The following RSU1 variants were observed in gnomAD, a reference collection of about 807,000 sequenced individuals.
RSU1 encodes Ras suppressor protein 1.
A neutral mutation model predicts 31.1 loss-of-function variants in RSU1; 26 were observed. The ratio of observed to expected loss-of-function variants is 0.84; its 90% CI spans 0.61 to 1.16. RSU1 has a LOEUF of 1.16. Among genes scored for constraint, RSU1 ranks in the 50% most tolerant of loss-of-function variants. The probability of loss-of-function intolerance (pLI) is 0.00; values close to 1 mark genes in which losing one functional copy is unlikely to be tolerated. For synonymous variants in RSU1, 164 were observed against 136.3 expected (o/e 1.20, Z -1.41); for missense variants, 320 against 339.1 (o/e 0.94, Z 0.44).
intron 8 of RSU1, among the ~76,000 whole-genome samples, chr10:16,629,323 C>A (rs1463075351): frequency 9.9e-5 from 15 of 152,128 alleles, no homozygotes; most frequent in Non-Finnish European, 2.9e-5. Context: ...CCCTCCTTAA[C>A]CTTTTGAACA....
chr10:16,612,834 T>C (rs557674930), intron 8 of RSU1, among the ~76,000 whole-genome samples: 1 of 152,312 alleles, frequency 6.6e-6, no homozygotes, highest in Admixed American at 6.5e-5. Context: ...CTTAAGGAAA[T>C]GCATCAGACA....
chr10:16,649,268 G>A (rs956029973), intron 8 of RSU1, among the ~76,000 whole-genome samples: 2 of 152,134 alleles, frequency 1.3e-5, no homozygotes, highest in African/African-American at 4.8e-5. Flanking sequence ...GTATGAAAAC[G>A]AGGAATTAAA....
intron 8 of RSU1, among the ~76,000 whole-genome samples, chr10:16,652,601 C>T (rs1834706853): frequency 6.6e-6 from 1 of 152,048 alleles, no homozygotes; most frequent in Non-Finnish European, 1.5e-5. Context: ...ATGTAAATTA[C>T]ACTTCAATTA....
chr10:16,700,014 T>C (rs763240092), intron 7 of RSU1, among the ~76,000 whole-genome samples: 1 of 152,250 alleles, frequency 6.6e-6, no homozygotes, highest in Non-Finnish European at 1.5e-5. Flanking sequence ...TTGCTGGTTA[T>C]AAATGTGACT....
chr10:16,800,226 G>A (rs1281240832), intron 2 of RSU1, among the ~76,000 whole-genome samples: 15 of 152,220 alleles, frequency 9.9e-5, no homozygotes, highest in Non-Finnish European at 2.2e-4. Flanking sequence ...AAGAAAGGCT[G>A]AGGAGAGAAA....
intron 8 of RSU1, among the ~76,000 whole-genome samples, chr10:16,653,626 C>T (rs962703610): frequency 4.6e-5 from 7 of 151,864 alleles, no homozygotes; most frequent in Non-Finnish European, 7.4e-5. Flanking sequence ...AAGCTAAATA[C>T]TTAGGGCCAA....
chr10:16,728,077 C>A (rs1040459881), intron 7 of RSU1, among the ~76,000 whole-genome samples: 1 of 152,202 alleles, frequency 6.6e-6, no homozygotes, highest in African/African-American at 2.4e-5. Context: ...CAGATTCCAA[C>A]CCTCTGAATG....
intron 2 of RSU1, among the ~76,000 whole-genome samples, chr10:16,805,951 C>A (rs1049698001): frequency 3.9e-5 from 6 of 152,130 alleles, no homozygotes; most frequent in African/African-American, 1.4e-4. Flanking sequence ...CCAGTATAAG[C>A]TCAGGAGGCT....
intron 2 of RSU1, among the ~76,000 whole-genome samples, chr10:16,808,922 A>G (rs1037993942): frequency 2.0e-5 from 3 of 152,200 alleles, no homozygotes; most frequent in African/African-American, 7.2e-5. Flanking sequence ...ATGTGAGCAC[A>G]GCAAGAAGAC....
At chr10:16,752,845 A>C (rs528403777) in intron 6 of RSU1, 73 bp downstream of exon 6, 3 of 1,364,152 alleles carry the variant, frequency 2.2e-6, no homozygotes, top group Middle Eastern at 1.8e-4. Flanking sequence ...CTCCTGCTCA[A>C]ATTGACTTGA....
At chr10:16,773,553 G>A (rs1837466185) in intron 3 of RSU1, among the ~76,000 whole-genome samples, 1 of 152,180 alleles carries the variant, frequency 6.6e-6, no homozygotes. Flanking sequence ...GAGGCAGCAG[G>A]GGACACGGCG....
chr10:16,808,840 A>G (rs1274121273), intron 2 of RSU1, among the ~76,000 whole-genome samples: 2 of 152,192 alleles, frequency 1.3e-5, no homozygotes, highest in Non-Finnish European at 2.9e-5. Context: ...CCCTATCCCA[A>G]TCTGACTATT....
At chr10:16,816,157 T>A (rs776020865) in intron 2 of RSU1, among the ~76,000 whole-genome samples, 52 of 152,226 alleles carry the variant, frequency 3.4e-4, no homozygotes, top group Non-Finnish European at 7.5e-4. Context: ...CATCTAAAAA[T>A]TAGCAAATTT....
At chr10:16,621,777 C>T (rs964384370) in intron 8 of RSU1, among the ~76,000 whole-genome samples, 4 of 152,206 alleles carry the variant, frequency 2.6e-5, no homozygotes, top group Non-Finnish European at 5.9e-5. Context: ...ATTCAGTTAC[C>T]TCCCACTGGG....
intron 8 of RSU1, among the ~76,000 whole-genome samples, chr10:16,692,166 C>G (rs7922396): frequency 0.53 from 80,842 of 152,034 alleles, 21,820 homozygotes; most frequent in East Asian, 0.76. Flanking sequence ...TACGCCAACC[C>G]CCCAAAATAG....
rs1195897608 is a variant in RSU1 at position 16,711,927 on chromosome 10, TTC to T, written c.599-16774_599-16773del. 3.4e-4 allele frequency among the ~76,000 whole-genome samples: 52 copies of T among 152,324 alleles called. 1 individual carries two copies. Among genetic ancestry groups the T allele is most frequent in the African/African-American group, 1.1e-3 (45 of 41,588 alleles). The stretch of plus-strand genomic sequence containing the variant: ...CTTTGATGTAGTTTTAGTCTGATAT[TTC>T]TTTGCCAAACTTCCCTTTTATAATT... On this transcript the variant is annotated intron_variant, in intron 7 of 8. Transcript: ENST00000345264.
chr10:16,686,488 T>C (rs1835442337), intron 8 of RSU1, among the ~76,000 whole-genome samples: 1 of 152,210 alleles, frequency 6.6e-6, no homozygotes, highest in African/African-American at 2.4e-5. Flanking sequence ...GAATAGCTCC[T>C]CTTGAAGAGA....
In RSU1 at chr10:16,764,452, G is replaced by A. The variant is rs769834602; in HGVS notation, c.219C>T (p.Asn73=). ...TCTGTGTGGGCAGCTCCTCGATTTG[G>A]TTATTAAAAAAGTTGAGCACCTCCA... ...KNLEVLNFFN[N]QIEELPTQIS... Residue 73 remains asparagine, a synonymous_variant, in exon 4 of 9, where the codon AAC becomes AAT. Coordinates refer to ENST00000345264, the MANE Select transcript of RSU1 (RefSeq NM_012425.4). The A allele has an allele frequency of 3.7e-6, 6 of 1,613,896 alleles. No homozygotes were observed. The South Asian group carries it at 5.5e-5, about 15-fold the overall frequency.
At chr10:16,632,690 G>T (rs893796635) in intron 8 of RSU1, among the ~76,000 whole-genome samples, 3 of 152,262 alleles carry the variant, frequency 2.0e-5, no homozygotes, top group Admixed American at 1.3e-4. Flanking sequence ...TGTAATCCAA[G>T]CACTTTGAGA....
Sources: gnomAD v4.1 joint callset for allele counts (sites outside exome capture counted in the v4.1 genomes callset) on GRCh38, gnomAD v4.1.1 for gene constraint, MANE v1.5 for transcripts, NCBI Gene and HGNC (gene_info 2026-07-23, HGNC 2026-07-21) for gene names.